The following ARHGAP19 variants were observed in gnomAD, a reference collection of about 807,000 sequenced individuals.
ARHGAP19 encodes the protein Rho GTPase activating protein 19.
Under a neutral mutation model 60.9 loss-of-function variants are expected in ARHGAP19, and 48 were observed. The ratio of observed to expected loss-of-function variants is 0.79; its 90% CI spans 0.62 to 1.00. ARHGAP19 has a LOEUF of 1.00. ARHGAP19 is among the 50% of genes least tolerant of loss of function. The pLI, the probability that ARHGAP19 is intolerant of heterozygous loss-of-function variation, is 0.00. For missense variants in ARHGAP19, 562 were observed against 597.2 expected (o/e 0.94, Z 0.61); for synonymous variants, 209 against 215.5 (o/e 0.97, Z 0.27).
intron 9 of ARHGAP19, among the ~76,000 whole-genome samples, chr10:97,231,059 C>CAAAAAAAAAAAAAAAAAAAA (rs869291841): frequency 2.5e-4 from 15 of 59,764 alleles, no homozygotes; most frequent in South Asian, 9.5e-4. Context: ...CTTGTCTCAC[C>CAAAAAAAAAAAAAAAAAAAA]AAAAAAAAAA....
chr10:97,264,849 T>G lies in ARHGAP19; in HGVS notation c.380A>C (p.Gln127Pro), dbSNP rs1209351894. The G allele has an allele frequency of 1.2e-6, 2 of 1,612,800 alleles. No homozygotes were observed. Among genetic ancestry groups the G allele is most frequent in the Middle Eastern group, 1.7e-4 (1 of 6,060 alleles). The change falls in exon 3 of 12, where the codon CAA becomes CCA. Residue 127 changes from glutamine (Q) to proline (P), a missense_variant. Transcript: ENST00000358531. ...ACTTTTGTGTAGATACTCAATCAGT[T>G]GGTATATCTGGGCAATGCCTTCCTC... ...LTEEGIAQIY[Q>P]LIEYLHKNLR...
intron 1 of ARHGAP19, chr10:97,270,679 G>A: frequency 1.3e-6 from 2 of 1,544,096 alleles, no homozygotes; most frequent in Non-Finnish European, 1.7e-6. Context: ...CTTGTTTGTT[G>A]TGACAAAGAA....
At chr10:97,239,419 C>A (rs1842433143) in intron 8 of ARHGAP19, among the ~76,000 whole-genome samples, 1 of 151,998 alleles carries the variant, frequency 6.6e-6, no homozygotes, top group Non-Finnish European at 1.5e-5. Context: ...TTGCTTGAAC[C>A]CAGGAGGCGG....
At chr10:97,285,435 T>C (rs1192024884) in intron 1 of ARHGAP19, among the ~76,000 whole-genome samples, 3 of 151,556 alleles carry the variant, frequency 2.0e-5, no homozygotes, top group Admixed American at 2.0e-4. Flanking sequence ...TGAGCTCAAG[T>C]GATCCTCCTG....
Position 97,223,803 on chromosome 10 carries a change from AATAGTTAC to A in ARHGAP19, c.*2311_*2318del, listed in dbSNP as rs566009732. 7.1e-4 allele frequency: 108 copies of A among 152,348 alleles called. No individual in the cohort carries two copies. Among genetic ancestry groups the A allele is most frequent in the African/African-American group, 2.6e-3 (107 of 41,576 alleles). The allele number at this position is 152,348 out of a possible 1,614,324, so 9.4% of individuals were successfully genotyped here. A position where few individuals can be genotyped will look rare whatever the true frequency, so the allele number is the denominator to read the frequency against. ...TTTCCGTAAGATTCCACTGGATTAGAATAGTTACATATTACAAGGTAGAAGGTTATGCT... is the reference window on the plus strand; with the variant it reads ...TTTCCGTAAGATTCCACTGGATTAGAATATTACAAGGTAGAAGGTTATGCT... On this transcript the variant is annotated 3_prime_UTR_variant, in exon 12 of 12. Transcript: ENST00000358531.
intron 1 of ARHGAP19, among the ~76,000 whole-genome samples, chr10:97,287,392 A>T (rs1026284991): frequency 2.0e-5 from 3 of 152,234 alleles, no homozygotes; most frequent in African/African-American, 7.2e-5. Context: ...GGTGTTCCTC[A>T]TCAACAGGTC....
At chr10:97,276,706 G>T (rs1222675949) in intron 1 of ARHGAP19, among the ~76,000 whole-genome samples, 1 of 4,914 alleles carries the variant, frequency 2.0e-4, no homozygotes, top group African/African-American at 2.2e-4. Context: ...GGTGGGGGGG[G>T]TCAGCCCCCC....
rs1850820746 is a variant in ARHGAP19 at position 97,222,457 on chromosome 10, G to A, written c.*3665C>T. The A allele has an allele frequency of 6.6e-6, 1 of 152,252 alleles. No homozygotes were observed. 9.4% of individuals were successfully genotyped at this position (152,252 alleles called of 1,614,324 possible). A position where few individuals can be genotyped will look rare whatever the true frequency, so the allele number is the denominator to read the frequency against. On this transcript the variant is annotated 3_prime_UTR_variant, in exon 12 of 12. Transcript: ENST00000358531. ...CAGGGGAGGGCTCCATGGCTCTTTAGCACAGGCTGTGGCCTCACACACTCC... is the reference window on the plus strand; with the variant it reads ...CAGGGGAGGGCTCCATGGCTCTTTAACACAGGCTGTGGCCTCACACACTCC...
intron 3 of ARHGAP19, 39 bp downstream of exon 3, chr10:97,264,787 T>G: frequency 6.7e-7 from 1 of 1,496,384 alleles, no homozygotes; most frequent in Admixed American, 1.7e-5. Flanking sequence ...ACAGAATTCT[T>G]CATTAAACAA....
intron 9 of ARHGAP19, 131 bp downstream of exon 9, chr10:97,235,086 C>A (rs1236773834): frequency 1.3e-6 from 1 of 787,066 alleles, no homozygotes; most frequent in Non-Finnish European, 2.1e-6. Context: ...AACATTTTGT[C>A]TTTACCCCCT....
intron 5 of ARHGAP19, among the ~76,000 whole-genome samples, chr10:97,256,833 G>C (rs12261079): frequency 6.6e-6 from 1 of 152,120 alleles, no homozygotes; most frequent in African/African-American, 2.4e-5. Flanking sequence ...TAAAAACACA[G>C]TAAAATTACC....
At chr10:97,259,372 G>A in intron 5 of ARHGAP19, 30 bp downstream of exon 5, 1 of 1,564,752 alleles carries the variant, frequency 6.4e-7, no homozygotes, top group Non-Finnish European at 8.8e-7. Context: ...AGAAAACCAA[G>A]CAATCTTTAC....
rs1842723329 is a variant in ARHGAP19, at chr10:97,253,977, T to A, written c.927+2341A>T. 2.0e-5 allele frequency among the ~76,000 whole-genome samples: 3 copies of A among 152,150 alleles called. No individual in the cohort carries two copies. In the South Asian group the frequency reaches 6.2e-4, roughly 32 times the overall value. ...CCATGGATAAGAGGGAACTACTGTA[T>A]AATGAAAACTATAAAATACTACTGA... On this transcript the variant is annotated intron_variant, in intron 6 of 11. Transcript: ENST00000358531.
chr10:97,285,409 T>TAA (rs1564730077), intron 1 of ARHGAP19, among the ~76,000 whole-genome samples: 1 of 151,868 alleles, frequency 6.6e-6, no homozygotes, highest in Non-Finnish European at 1.5e-5. Context: ...TCTAGCTTAT[T>TAA]GCAGCCTCAA....
intron 1 of ARHGAP19, among the ~76,000 whole-genome samples, chr10:97,271,949 C>T (rs1419280039): frequency 1.3e-5 from 2 of 151,796 alleles, no homozygotes; most frequent in African/African-American, 4.8e-5. Context: ...TTGCATTTCT[C>T]AAATAACTCA....
At chr10:97,243,887 T>C in intron 8 of ARHGAP19, 81 bp downstream of exon 8, 1 of 1,338,356 alleles carries the variant, frequency 7.5e-7, no homozygotes, top group South Asian at 1.5e-5. Context: ...TTAAATGAGA[T>C]TCTTAACAAT....
Position 97,265,851 on chromosome 10 carries a change from A to AT in ARHGAP19, c.322+8dup. ...AGGCCTGCCCACCCTTCACAAACAC[A>AT]TCTCCTACCCTTTCGCTTGAGAGAC... On this transcript the variant is annotated intron_variant, in intron 2 of 11. Transcript: ENST00000358531. The AT allele has an allele frequency of 6.2e-7, 1 of 1,613,450 alleles. No homozygotes were observed.
At chr10:97,229,740 A>G (rs1280954900) in intron 10 of ARHGAP19, 24 bp downstream of exon 10, 7 of 1,485,324 alleles carry the variant, frequency 4.7e-6, no homozygotes, top group Non-Finnish European at 6.5e-6. Context: ...AGACAGACAG[A>G]CAGTCCAAAG....
chr10:97,228,951 T>C, intron 11 of ARHGAP19, 196 bp downstream of exon 11: 2 of 690,874 alleles, frequency 2.9e-6, no homozygotes, highest in Non-Finnish European at 5.3e-6. Flanking sequence ...GCTCTACCCT[T>C]AGCACCCAAG....
Sources: gnomAD v4.1 joint callset for allele counts (sites outside exome capture counted in the v4.1 genomes callset) on GRCh38, gnomAD v4.1.1 for gene constraint, MANE v1.5 for transcripts, NCBI Gene and HGNC (gene_info 2026-07-23, HGNC 2026-07-21) for gene names.